PRDM5: variants seen among roughly 807,000 people sequenced by gnomAD.
PRDM5 encodes PR/SET domain 5.
In PRDM5, 56 loss-of-function variants were observed where a neutral mutation model predicts 81.2. That is an observed-to-expected ratio of 0.69 (90% CI 0.56 to 0.86). The LOEUF (loss-of-function observed/expected upper bound fraction) is 0.86, where lower values mean the gene tolerates loss of function less well. Ranked by LOEUF, PRDM5 falls within the 40% of genes least tolerant of loss-of-function variation. The pLI is 0.00. For synonymous variants in PRDM5, 267 were observed against 256.4 expected (o/e 1.04, Z -0.39); for missense variants, 697 against 770.1 (o/e 0.91, Z 1.12).
At chr4:120,738,609 G>C (rs890236312) in intron 14 of PRDM5, among the ~76,000 whole-genome samples, 2 of 152,016 alleles carry the variant, frequency 1.3e-5, no homozygotes, top group Admixed American at 6.5e-5. Context: ...TTTTTAAACT[G>C]AATTGTAAGA....
At chr4:120,791,498 T>A (rs559367238) in intron 10 of PRDM5, among the ~76,000 whole-genome samples, 1 of 152,316 alleles carries the variant, frequency 6.6e-6, no homozygotes, top group East Asian at 1.9e-4. Flanking sequence ...CAAATGTTAC[T>A]AAAGATTTTA....
At chr4:120,849,361 G>T (rs1759005981) in intron 3 of PRDM5, among the ~76,000 whole-genome samples, 1 of 152,126 alleles carries the variant, frequency 6.6e-6, no homozygotes, top group African/African-American at 2.4e-5. Flanking sequence ...GAGAAAGGAG[G>T]TTCAATAATC....
intron 2 of PRDM5, among the ~76,000 whole-genome samples, chr4:120,892,919 C>T (rs934616697): frequency 2.0e-5 from 3 of 152,154 alleles, no homozygotes; most frequent in Non-Finnish European, 4.4e-5. Context: ...CAAGTTCAGG[C>T]AGAAGCAGGA....
intron 2 of PRDM5, among the ~76,000 whole-genome samples, chr4:120,885,199 T>C (rs1763305947): frequency 1.3e-5 from 2 of 150,794 alleles, no homozygotes; most frequent in Non-Finnish European, 2.9e-5. Context: ...TACCCACCTC[T>C]GGCATATTAG....
intron 14 of PRDM5, among the ~76,000 whole-genome samples, chr4:120,712,596 G>C (rs371117768): frequency 5.3e-5 from 8 of 152,122 alleles, no homozygotes; most frequent in South Asian, 2.1e-4. Context: ...TCTCTACATT[G>C]TTACTACCTA....
At chr4:120,798,556 A>G in intron 9 of PRDM5, 132 bp from the exon 10 acceptor site, 1 of 730,012 alleles carries the variant, frequency 1.4e-6, no homozygotes, top group Non-Finnish European at 2.2e-6. Flanking sequence ...AAAAACATCT[A>G]CCATCCACAT....
Position 120,821,155 on chromosome 4 carries a change from A to T in PRDM5, c.475+16T>A. ...CAACTTTTCTTCTCCCAGATCACCA[A>T]TTAAAGATGCAATACCTTTTCTGCC... is the stretch of plus-strand genomic sequence containing the variant. On this transcript the variant is annotated intron_variant, in intron 4 of 15. Coordinates refer to ENST00000264808, the MANE Select transcript of PRDM5 (RefSeq NM_018699.4). 2 of 1,612,650 alleles carry T rather than the reference A, an allele frequency of 1.2e-6. No homozygotes were observed. The highest frequency in any genetic ancestry group is 1.7e-6 in the Non-Finnish European group (2 of 1,178,712).
chr4:120,803,281 C>G (rs1381253907), intron 8 of PRDM5, among the ~76,000 whole-genome samples: 2 of 152,208 alleles, frequency 1.3e-5, no homozygotes, highest in African/African-American at 4.8e-5. Flanking sequence ...GGAAAACACT[C>G]TGCAGGATAT....
At chr4:120,848,617 G>C (rs1340065200) in intron 3 of PRDM5, among the ~76,000 whole-genome samples, 2 of 152,146 alleles carry the variant, frequency 1.3e-5, no homozygotes, top group East Asian at 3.8e-4. Context: ...CATTCAGTAA[G>C]TGTTAGCTGC....
At position 120,887,786 on chromosome 4, in the gene PRDM5, CTT is replaced by C. The variant is rs773355512; in HGVS notation, c.177+19686_177+19687del. Among the ~76,000 whole-genome samples the C allele has an allele frequency of 4.7e-5, 4 of 85,184 alleles. 1 individual carries two copies. The highest frequency in any genetic ancestry group is 8.2e-5 in the Non-Finnish European group (4 of 48,676). The allele number at this position is 85,184 out of a possible 152,430, so 55.9% of individuals were successfully genotyped here. On this transcript the variant is annotated intron_variant, in intron 2 of 15. Coordinates refer to ENST00000264808, the MANE Select transcript of PRDM5 (RefSeq NM_018699.4). ...AAACCCACAGCCTAGACATTTTATC[CTT>C]TTTTTTTTTTTTTTTTTTTTTTGAG...
intron 13 of PRDM5, among the ~76,000 whole-genome samples, chr4:120,766,889 CA>C (rs1160685780): frequency 2.0e-5 from 3 of 152,092 alleles, no homozygotes; most frequent in Admixed American, 2.0e-4. Context: ...TTCTAATTAC[CA>C]AACTGTGCAG....
Position 120,694,097 on chromosome 4 carries a change from C to T in PRDM5, c.*1014G>A, listed in dbSNP as rs1734277295. 1 of 152,050 alleles carries T rather than the reference C, an allele frequency of 6.6e-6. No individual in the cohort carries two copies. 9.4% of individuals were successfully genotyped at this position (152,050 alleles called of 1,614,324 possible). The stretch of plus-strand genomic sequence containing the variant: ...TTCAGAATTACCTACTGCCAAGATT[C>T]TGGAAAATGTCTTTTGCAAAATGGA... On this transcript the variant is annotated 3_prime_UTR_variant, in exon 16 of 16. Transcript: ENST00000264808.
intron 14 of PRDM5, among the ~76,000 whole-genome samples, chr4:120,724,612 C>T (rs1243795784): frequency 6.6e-6 from 1 of 152,048 alleles, no homozygotes; most frequent in Non-Finnish European, 1.5e-5. Context: ...GTGATGGTGG[C>T]AAGTGTAATC....
At chr4:120,782,544 A>G (rs1749187632) in intron 11 of PRDM5, among the ~76,000 whole-genome samples, 1 of 152,160 alleles carries the variant, frequency 6.6e-6, no homozygotes, top group Non-Finnish European at 1.5e-5. Flanking sequence ...TCTCTAACTT[A>G]AAGTCTCTTA....
intron 13 of PRDM5, among the ~76,000 whole-genome samples, chr4:120,757,516 T>G (rs747338888): frequency 6.9e-6 from 1 of 145,690 alleles, no homozygotes; most frequent in Non-Finnish European, 1.6e-5. Context: ...TGTGGCCAGG[T>G]AGCTGGTAAA....
intron 2 of PRDM5, among the ~76,000 whole-genome samples, chr4:120,858,978 G>A (rs547171663): frequency 2.0e-5 from 3 of 152,222 alleles, no homozygotes; most frequent in Admixed American, 6.5e-5. Flanking sequence ...GAACTAAGCC[G>A]TGATCACTTG....
At chr4:120,867,948 G>C (rs184691018) in intron 2 of PRDM5, among the ~76,000 whole-genome samples, 49 of 152,312 alleles carry the variant, frequency 3.2e-4, no homozygotes, top group African/African-American at 1.2e-3. Context: ...AGTGAAATGG[G>C]AACAACATTG....
chr4:120,807,545 A>C lies in PRDM5; in HGVS notation c.945+3825T>G, dbSNP rs138269490. Among the ~76,000 whole-genome samples, 71 of 152,368 alleles carry C rather than the reference A, an allele frequency of 4.7e-4. 1 individual carries two copies. In the East Asian group the frequency reaches 0.012, roughly 26 times the overall value. On this transcript the variant is annotated intron_variant, in intron 8 of 15. Transcript: ENST00000264808. ...ACTACACAGCCCATAAAAAAGGATG[A>C]GTTCATGTCCTTTGTAGGGACATGG...
intron 15 of PRDM5, among the ~76,000 whole-genome samples, chr4:120,710,020 A>G (rs760210852): frequency 9.2e-5 from 14 of 152,180 alleles, no homozygotes; most frequent in Non-Finnish European, 1.3e-4. Flanking sequence ...TCATGCTTTT[A>G]CACCTTGGAA....
Sources: gnomAD v4.1 joint callset for allele counts (sites outside exome capture counted in the v4.1 genomes callset) on GRCh38, gnomAD v4.1.1 for gene constraint, MANE v1.5 for transcripts, NCBI Gene and HGNC (gene_info 2026-07-23, HGNC 2026-07-21) for gene names.